The following SPOCK3 variants were observed in gnomAD, a reference collection of about 807,000 sequenced individuals.
The protein encoded by SPOCK3 is testican-3.
A neutral mutation model predicts 56.6 loss-of-function variants in SPOCK3; 30 were observed. The observed-to-expected ratio is 0.53, with a 90% CI of 0.40 to 0.72. The LOEUF (loss-of-function observed/expected upper bound fraction) is 0.72. Ranked by LOEUF, SPOCK3 falls within the 30% of genes least tolerant of loss-of-function variation. The pLI is 0.00. For missense variants in SPOCK3, 527 were observed against 530.0 expected, an observed-to-expected ratio of 0.99 and a Z score of 0.06; for synonymous variants, 196 against 183.3, an observed-to-expected ratio of 1.07 and a Z score of -0.56.
chr4:167,220,111 A>C (rs1735754371), intron 2 of SPOCK3, among the ~76,000 whole-genome samples: 1 of 152,136 alleles, frequency 6.6e-6, no homozygotes, highest in African/African-American at 2.4e-5. Context: ...CCCAGTCAAC[A>C]ATGGTTACAT....
intron 5 of SPOCK3, among the ~76,000 whole-genome samples, chr4:166,895,727 A>G (rs1400216351): frequency 1.3e-5 from 2 of 152,220 alleles, no homozygotes; most frequent in African/African-American, 4.8e-5. Context: ...TATTTTTATA[A>G]CCAAGATACA....
chr4:166,970,820 T>A (rs906261297), intron 4 of SPOCK3, among the ~76,000 whole-genome samples: 2 of 151,926 alleles, frequency 1.3e-5, no homozygotes, highest in Admixed American at 6.6e-5. Context: ...CCCCATGAAA[T>A]AGAAATATAT....
At chr4:167,032,914 C>T (rs1026235030) in intron 3 of SPOCK3, among the ~76,000 whole-genome samples, 9 of 151,804 alleles carry the variant, frequency 5.9e-5, no homozygotes, top group South Asian at 2.1e-4. Context: ...TATTTGGGGC[C>T]GATTTGGATT....
At position 166,864,939 on chromosome 4, in the gene SPOCK3, C is replaced by T. The variant is rs12498422; in HGVS notation, c.589+24191G>A. 1.1e-3 allele frequency among the ~76,000 whole-genome samples: 173 copies of T among 152,190 alleles called. 2 individuals carry two copies. Among genetic ancestry groups the T allele is most frequent in the Admixed American group, 9.7e-3 (148 of 15,286 alleles). On this transcript the variant is annotated intron_variant, in intron 6 of 10. Transcript: ENST00000357545. ...CCCTCCCTAACTTATTTTATGAGGCCAGCATCACCCTGATACCAAAACCTG... is the reference window on the plus strand; with the variant it reads ...CCCTCCCTAACTTATTTTATGAGGCTAGCATCACCCTGATACCAAAACCTG...
rs1345143703 is a variant in SPOCK3 at position 166,783,449 on chromosome 4, A to C, written c.709+8721T>G. 2.6e-5 allele frequency among the ~76,000 whole-genome samples: 4 copies of C among 152,202 alleles called. No homozygotes were observed. The East Asian group carries it at 7.7e-4, about 29-fold the overall frequency. The stretch of plus-strand genomic sequence containing the variant: ...AAAAGGGAATGAATGGAGTTGGTGA[A>C]AAGATATTCTCTTAATATACCTCCA... On this transcript the variant is annotated intron_variant, in intron 7 of 10. Transcript: ENST00000357545.
At chr4:167,228,876 T>C (rs2111162596) in intron 2 of SPOCK3, among the ~76,000 whole-genome samples, 1 of 152,272 alleles carries the variant, frequency 6.6e-6, no homozygotes, top group Non-Finnish European at 1.5e-5. Flanking sequence ...AAAATATTAC[T>C]GCATGCTACA....
At chr4:167,145,512 G>C (rs920307795) in intron 2 of SPOCK3, among the ~76,000 whole-genome samples, 2 of 151,984 alleles carry the variant, frequency 1.3e-5, no homozygotes, top group Non-Finnish European at 2.9e-5. Context: ...CTAATTTAAA[G>C]GCCAAGGAAA....
intron 2 of SPOCK3, among the ~76,000 whole-genome samples, chr4:167,106,075 A>T (rs550228910): frequency 1.9e-4 from 29 of 152,078 alleles, no homozygotes; most frequent in African/African-American, 6.5e-4. Flanking sequence ...GATCTCCCAG[A>T]TAGAAAATCA....
chr4:166,755,631 T>C (rs1560824710), intron 7 of SPOCK3, among the ~76,000 whole-genome samples: 1 of 152,140 alleles, frequency 6.6e-6, no homozygotes, highest in Admixed American at 6.6e-5. Context: ...AACTAATAAC[T>C]CAGTTATTTG....
intron 6 of SPOCK3, among the ~76,000 whole-genome samples, chr4:166,886,409 G>T (rs963407426): frequency 2.0e-5 from 3 of 152,082 alleles, no homozygotes; most frequent in Non-Finnish European, 4.4e-5. Context: ...ACTAACTGAA[G>T]GGTGTATGCT....
intron 3 of SPOCK3, among the ~76,000 whole-genome samples, chr4:167,021,635 C>A (rs553234838): frequency 9.2e-5 from 14 of 152,052 alleles, no homozygotes; most frequent in African/African-American, 2.6e-4. Context: ...AAAACTGGCA[C>A]CAACTAACTT....
chr4:166,752,875 T>C (rs1051966281), intron 8 of SPOCK3, among the ~76,000 whole-genome samples: 1 of 151,942 alleles, frequency 6.6e-6, no homozygotes, highest in Admixed American at 6.6e-5. Context: ...ATTAGAGAAA[T>C]TGTATAAGCT....
At chr4:166,899,983 C>T (rs1417623243) in intron 5 of SPOCK3, among the ~76,000 whole-genome samples, 1 of 152,192 alleles carries the variant, frequency 6.6e-6, no homozygotes, top group African/African-American at 2.4e-5. Flanking sequence ...TAGGCATTCT[C>T]CTTGGTCCTT....
chr4:166,939,940 A>C (rs572701340), intron 4 of SPOCK3, among the ~76,000 whole-genome samples: 1 of 152,328 alleles, frequency 6.6e-6, no homozygotes, highest in African/African-American at 2.4e-5. Flanking sequence ...TCTTTAGTTG[A>C]GTTACTTTTT....
At chr4:166,914,273 G>A (rs1737601096) in intron 4 of SPOCK3, among the ~76,000 whole-genome samples, 1 of 151,852 alleles carries the variant, frequency 6.6e-6, no homozygotes, top group Non-Finnish European at 1.5e-5. Context: ...TTATGCTTAG[G>A]TTTATATCCC....
At chr4:166,962,357 A>T (rs1744233380) in intron 4 of SPOCK3, among the ~76,000 whole-genome samples, 1 of 152,038 alleles carries the variant, frequency 6.6e-6, no homozygotes, top group Non-Finnish European at 1.5e-5. Flanking sequence ...GGCCCTTATT[A>T]TGTCACCCTG....
At position 166,734,244 on chromosome 4, in the gene SPOCK3, A is replaced by G. The variant is rs1240568769; in HGVS notation, c.*677T>C. 1.3e-5 allele frequency: 2 copies of G among 151,874 alleles called. No individual in the cohort carries two copies. Among genetic ancestry groups the G allele is most frequent in the Non-Finnish European group, 2.9e-5 (2 of 67,828 alleles). The allele number at this position is 151,874 out of a possible 1,614,324, so 9.4% of individuals were successfully genotyped here. A position where few individuals can be genotyped will look rare whatever the true frequency, so the allele number is the denominator to read the frequency against. On this transcript the variant is annotated 3_prime_UTR_variant, in exon 11 of 11. Transcript: ENST00000357545. ...AAAATCTGCATGAGACTGCCATCCA[A>G]ATTAAAATACACATTGGGGAGAACA...
At chr4:167,218,674 TTTG>T (rs1735601984) in intron 2 of SPOCK3, among the ~76,000 whole-genome samples, 1 of 152,150 alleles carries the variant, frequency 6.6e-6, no homozygotes, top group Non-Finnish European at 1.5e-5. Flanking sequence ...TGACCACTAA[TTTG>T]TTATCTGAAT....
At chr4:166,789,146 C>A (rs1645618766) in intron 7 of SPOCK3, among the ~76,000 whole-genome samples, 2 of 151,944 alleles carry the variant, frequency 1.3e-5, no homozygotes, top group African/African-American at 4.8e-5. Context: ...AATACAAAAA[C>A]TTGCCGGGTG....
Sources: allele counts gnomAD v4.1 joint callset (sites outside exome capture counted in the v4.1 genomes callset), GRCh38; gene constraint gnomAD v4.1.1; transcripts MANE v1.5; gene names NCBI Gene and HGNC (gene_info 2026-07-23, HGNC 2026-07-21).